XIRP2: variants seen among roughly 807,000 people sequenced by gnomAD.
The protein encoded by XIRP2 is xin actin-binding repeat-containing protein 2.
In XIRP2, 236 loss-of-function variants were observed where a neutral mutation model predicts 277.0. The ratio of observed to expected loss-of-function variants is 0.85; its 90% CI spans 0.77 to 0.95. The LOEUF (loss-of-function observed/expected upper bound fraction) is 0.95. Among genes scored for constraint, XIRP2 ranks in the 40% least tolerant of loss-of-function variants. XIRP2 has a pLI of 0.00. For synonymous variants in XIRP2, 1,490 were observed against 1,416.5 expected (o/e 1.05, Z -1.17); for missense variants, 4,640 against 4,157.5 (o/e 1.12, Z -3.19).
At chr2:167,221,420 A>G (rs1694424885) in intron 5 of XIRP2, among the ~76,000 whole-genome samples, 2 of 142,112 alleles carry the variant, frequency 1.4e-5, no homozygotes, top group Non-Finnish European at 1.5e-5. Context: ...AGATGGTGCC[A>G]TTGCACTCCA....
chr2:167,154,016 G>T (rs1692106433), intron 3 of XIRP2, among the ~76,000 whole-genome samples: 1 of 149,780 alleles, frequency 6.7e-6, no homozygotes, highest in Admixed American at 6.6e-5. Flanking sequence ...CTAGTTTACA[G>T]TCCCACCAAC....
chr2:167,137,012 A>G (rs1481973087), intron 3 of XIRP2, among the ~76,000 whole-genome samples: 1 of 152,222 alleles, frequency 6.6e-6, no homozygotes, highest in Non-Finnish European at 1.5e-5. Context: ...TCGGCCTCAC[A>G]TCAGTTCTAC....
At chr2:166,931,844 C>T (rs896976645) in intron 2 of XIRP2, among the ~76,000 whole-genome samples, 1 of 152,148 alleles carries the variant, frequency 6.6e-6, no homozygotes, top group Non-Finnish European at 1.5e-5. Context: ...CTGATTAATA[C>T]AAGTAGTTCT....
intron 2 of XIRP2, among the ~76,000 whole-genome samples, chr2:167,133,347 A>C (rs1691441411): frequency 1.3e-5 from 2 of 152,100 alleles, no homozygotes. Context: ...CTGCCTCCTT[A>C]CCCCTTGCCA....
intron 2 of XIRP2, among the ~76,000 whole-genome samples, chr2:167,079,145 T>C (rs1689660941): frequency 6.6e-6 from 1 of 152,238 alleles, no homozygotes; most frequent in African/African-American, 2.4e-5. Context: ...AATTCTTTTT[T>C]GTGATGAATC....
chr2:166,906,483 T>C (rs1324500009), intron 2 of XIRP2, among the ~76,000 whole-genome samples: 2 of 152,238 alleles, frequency 1.3e-5, no homozygotes, highest in East Asian at 3.9e-4. Flanking sequence ...TGTAAGTAGA[T>C]GTACATTACA....
chr2:166,985,956 T>A (rs1208062298), intron 2 of XIRP2, among the ~76,000 whole-genome samples: 1 of 152,084 alleles, frequency 6.6e-6, no homozygotes, highest in Non-Finnish European at 1.5e-5. Context: ...AGAGCAGTGG[T>A]CTAAATTGAG....
intron 2 of XIRP2, among the ~76,000 whole-genome samples, chr2:167,070,397 T>C (rs1038430158): frequency 6.6e-6 from 1 of 152,148 alleles, no homozygotes; most frequent in African/African-American, 2.4e-5. Context: ...AGTTAAGTTT[T>C]TTCTTAGTGA....
intron 3 of XIRP2, among the ~76,000 whole-genome samples, chr2:167,171,156 T>C (rs1448054419): frequency 6.6e-6 from 1 of 152,128 alleles, no homozygotes; most frequent in Non-Finnish European, 1.5e-5. Flanking sequence ...CACCTCAGCC[T>C]CCCAAAGTGC....
intron 5 of XIRP2, among the ~76,000 whole-genome samples, chr2:167,221,718 A>G (rs1048880133): frequency 1.3e-5 from 2 of 152,146 alleles, no homozygotes; most frequent in Admixed American, 6.6e-5. Context: ...GTCTTTACCT[A>G]AGATGTTGTC....
intron 2 of XIRP2, among the ~76,000 whole-genome samples, chr2:166,972,386 TAGC>T (rs1686602253): frequency 6.6e-6 from 1 of 152,174 alleles, no homozygotes; most frequent in South Asian, 2.1e-4. Context: ...TATGAATAAT[TAGC>T]AGCTCGATGA....
Position 167,248,181 on chromosome 2 carries a change from A to C in XIRP2, c.6789A>C (p.Leu2263Phe). The change falls in exon 9 of 11, where the codon TTA becomes TTC. Residue 2263 changes from leucine (L) to phenylalanine (F), a missense_variant. Coordinates refer to ENST00000409195, the MANE Select transcript of XIRP2 (RefSeq NM_152381.6). ...TGAAAACAAATACTTCCACAGGCTT[A>C]AAAATGGCAATGGAAAGGTCCTTGA... Reference protein sequence around the residue: ...FLMKTNTSTGLKMAMERSLNP... With the variant: ...FLMKTNTSTGFKMAMERSLNP... 1 of 1,613,802 alleles carries C rather than the reference A, an allele frequency of 6.2e-7. No homozygotes were observed. The highest frequency in any genetic ancestry group is 1.1e-5 in the South Asian group (1 of 91,072).
chr2:167,083,878 G>A (rs538983263), intron 2 of XIRP2, among the ~76,000 whole-genome samples: 145 of 151,806 alleles, frequency 9.6e-4, no homozygotes, highest in Admixed American at 1.4e-3. Context: ...CAATCATGTC[G>A]TCTGCAAACA....
At chr2:167,219,905 T>C (rs1044394360) in intron 5 of XIRP2, among the ~76,000 whole-genome samples, 3 of 152,126 alleles carry the variant, frequency 2.0e-5, no homozygotes, top group Non-Finnish European at 2.9e-5. Context: ...TTAAGACTCT[T>C]TAATACTGCA....
At position 167,241,908 on chromosome 2, in the gene XIRP2, A is replaced by G. The variant is rs1695083429; in HGVS notation, c.1174A>G (p.Lys392Glu). 6.2e-7 allele frequency: 1 copy of G among 1,611,362 alleles called. No homozygotes were observed. The highest frequency in any genetic ancestry group is 1.7e-5 in the Admixed American group (1 of 59,476). The part of the protein sequence containing the change: ...KEMTTPAKQI[K>E]TESEYEETFK... Reference sequence around the variant, plus strand: ...GATGACAACCCCAGCCAAGCAGATTAAGGTAAAGTCATTTCTTTACACAGA... The same window carrying G: ...GATGACAACCCCAGCCAAGCAGATTGAGGTAAAGTCATTTCTTTACACAGA... The change falls in exon 8 of 11, where the codon AAG becomes GAG. Residue 392 changes from lysine (K) to glutamate (E), a missense_variant and splice_region_variant. Lys to Glu is a moderately conservative substitution (Grantham distance 56). Coordinates refer to ENST00000409195, the MANE Select transcript of XIRP2 (RefSeq NM_152381.6).
At chr2:167,236,241 A>G (rs1431691933) in intron 5 of XIRP2, among the ~76,000 whole-genome samples, 1 of 148,158 alleles carries the variant, frequency 6.7e-6, no homozygotes, top group Non-Finnish European at 1.5e-5. Context: ...GAGTCGCCAT[A>G]AAAAAAAAAG....
At chr2:166,917,116 T>C (rs1684905592) in intron 2 of XIRP2, among the ~76,000 whole-genome samples, 1 of 152,336 alleles carries the variant, frequency 6.6e-6, no homozygotes, top group Non-Finnish European at 1.5e-5. Context: ...ACTAACACTC[T>C]ATGGTTTCTA....
At chr2:167,126,507 A>G (rs561421396) in intron 2 of XIRP2, among the ~76,000 whole-genome samples, 1 of 152,284 alleles carries the variant, frequency 6.6e-6, no homozygotes, top group East Asian at 1.9e-4. Context: ...AAGTACTGTA[A>G]AAATTGGTGG....
chr2:167,221,668 T>C (rs556072301), intron 5 of XIRP2, among the ~76,000 whole-genome samples: 88 of 152,286 alleles, frequency 5.8e-4, no homozygotes, highest in Non-Finnish European at 1.1e-3. Flanking sequence ...GCAGGGATTT[T>C]GGACAAGATG....
Sources: gnomAD v4.1 joint callset for allele counts (sites outside exome capture counted in the v4.1 genomes callset) on GRCh38, gnomAD v4.1.1 for gene constraint, MANE v1.5 for transcripts, NCBI Gene and HGNC (gene_info 2026-07-23, HGNC 2026-07-21) for gene names.